The following KLHL3 variants were observed in gnomAD, a reference collection of about 807,000 sequenced individuals.
KLHL3 encodes kelch-like protein 3.
A neutral mutation model predicts 70.5 loss-of-function variants in KLHL3; 19 were observed. The ratio of observed to expected loss-of-function variants is 0.27; its 90% CI spans 0.19 to 0.40. The LOEUF is 0.40. KLHL3 is among the 10% of genes least tolerant of loss of function. The pLI, the probability that KLHL3 is intolerant of heterozygous loss-of-function variation, is 1.00. For synonymous variants in KLHL3, 258 were observed against 290.3 expected, an observed-to-expected ratio of 0.89 and a Z score of 1.13; for missense variants, 512 against 771.1, an observed-to-expected ratio of 0.66 and a Z score of 3.98.
chr5:137,693,893 G>A (rs1208783295), intron 4 of KLHL3, among the ~76,000 whole-genome samples: 2 of 150,910 alleles, frequency 1.3e-5, no homozygotes, highest in Non-Finnish European at 2.9e-5. Context: ...TTAAATTCTG[G>A]ACTCTTTCTC....
intron 13 of KLHL3, among the ~76,000 whole-genome samples, chr5:137,627,538 T>C (rs1257285366): frequency 7.6e-6 from 1 of 131,366 alleles, no homozygotes; most frequent in African/African-American, 2.8e-5. Context: ...ACAGGTAATA[T>C]GAGAATAATG....
At position 137,706,232 on chromosome 5, in the gene KLHL3, T is replaced by C. The variant is rs1039409890; in HGVS notation, c.241+3518A>G. On this transcript the variant is annotated intron_variant, in intron 3 of 14. Transcript: ENST00000309755. ...TCAAGTCAGAAGAAAGCCATGTGTA[T>C]TTTACTTTCCTTTTGGCTTTAAACA... The C allele has an allele frequency of 6.1e-6, 6 of 985,290 alleles. No individual in the cohort carries two copies. In the African/African-American group the frequency reaches 1.0e-4, roughly 17 times the overall value. 61.0% of individuals were successfully genotyped at this position (985,290 alleles called of 1,614,324 possible). A position where few individuals can be genotyped will look rare whatever the true frequency, so the allele number is the denominator to read the frequency against.
chr5:137,682,436 G>GAGAGAGAGAGAGAGAGAGAGAGT (rs1752055158), intron 5 of KLHL3, among the ~76,000 whole-genome samples: 2 of 94,438 alleles, frequency 2.1e-5, no homozygotes, highest in South Asian at 3.3e-4. Context: ...AGAGAGAGAG[G>GAGAGAGAGAGAGAGAGAGAGAGT]CATAGACAGA....
intron 8 of KLHL3, among the ~76,000 whole-genome samples, chr5:137,648,335 G>C (rs191184072): frequency 1.3e-5 from 2 of 152,346 alleles, no homozygotes; most frequent in African/African-American, 4.8e-5. Flanking sequence ...CCCAACTCAG[G>C]AGCAAGCCAC....
chr5:137,692,952 T>C (rs890298262), intron 4 of KLHL3, among the ~76,000 whole-genome samples: 1 of 152,176 alleles, frequency 6.6e-6, no homozygotes, highest in Admixed American at 6.5e-5. Flanking sequence ...TCAATAGGTA[T>C]GGAGTGTGGC....
chr5:137,622,491 A>G (rs993570115), intron 14 of KLHL3, among the ~76,000 whole-genome samples: 1 of 152,262 alleles, frequency 6.6e-6, no homozygotes, highest in Non-Finnish European at 1.5e-5. Context: ...CTGTAAGAGA[A>G]GCAATGGGTG....
intron 5 of KLHL3, among the ~76,000 whole-genome samples, chr5:137,685,602 T>C (rs1004567444): frequency 6.6e-6 from 1 of 152,262 alleles, no homozygotes; most frequent in Admixed American, 6.5e-5. Flanking sequence ...TTTTATTGAA[T>C]ATATTACCTA....
At chr5:137,677,926 A>G (rs528908357) in intron 5 of KLHL3, among the ~76,000 whole-genome samples, 14 of 152,282 alleles carry the variant, frequency 9.2e-5, no homozygotes, top group African/African-American at 1.2e-4. Flanking sequence ...TATTTTTTCC[A>G]TGCTCCATGA....
chr5:137,638,557 C>T (rs1051645597), intron 10 of KLHL3, among the ~76,000 whole-genome samples: 1 of 152,164 alleles, frequency 6.6e-6, no homozygotes, highest in South Asian at 2.1e-4. Context: ...CAGCCTGGCC[C>T]ACTGCATGAC....
At chr5:137,692,231 A>C (rs1352895055) in intron 5 of KLHL3, 54 bp downstream of exon 5, 8 of 1,508,564 alleles carry the variant, frequency 5.3e-6, no homozygotes, top group Non-Finnish European at 7.3e-6. Context: ...GCAGAAGACC[A>C]GGTGATTAGA....
chr5:137,735,710 G>T lies in KLHL3; in HGVS notation c.-64C>A. ...GTATGCACTCGGGGATCCTAGTTCT[G>T]TTCTTGATTCTCCCAGCAGACCAGT... On this transcript the variant is annotated 5_prime_UTR_variant, in exon 1 of 15. Coordinates refer to ENST00000309755, the MANE Select transcript of KLHL3 (RefSeq NM_017415.3). The T allele has an allele frequency of 6.2e-7, 1 of 1,613,378 alleles. No homozygotes were observed. Among genetic ancestry groups the T allele is most frequent in the Non-Finnish European group, 8.5e-7 (1 of 1,179,276 alleles).
rs924235163 is a variant in KLHL3, at chr5:137,733,777, A to G, written c.14+1856T>C. 5.3e-5 allele frequency among the ~76,000 whole-genome samples: 8 copies of G among 152,340 alleles called. No homozygotes were observed. In the East Asian group the frequency reaches 1.5e-3, roughly 29 times the overall value. On this transcript the variant is annotated intron_variant, in intron 1 of 14. Transcript: ENST00000309755. ...GTAATGTATAGGATGGGTGATCATGAAAGAGATCAACAGAATTCTCAGTAG... is the reference window on the plus strand; with the variant it reads ...GTAATGTATAGGATGGGTGATCATGGAAGAGATCAACAGAATTCTCAGTAG...
At chr5:137,726,018 T>C (rs1753080026) in intron 1 of KLHL3, among the ~76,000 whole-genome samples, 2 of 152,178 alleles carry the variant, frequency 1.3e-5, no homozygotes, top group Admixed American at 1.3e-4. Context: ...ACTATTACAG[T>C]GGCCTCCCAC....
At chr5:137,727,671 C>T (rs1429113273) in intron 1 of KLHL3, among the ~76,000 whole-genome samples, 1 of 152,152 alleles carries the variant, frequency 6.6e-6, no homozygotes, top group Non-Finnish European at 1.5e-5. Context: ...GCCTTCAAGC[C>T]TCTTCCCTGA....
Position 137,638,440 on chromosome 5 carries a change from T to G in KLHL3, c.1219+513A>C, listed in dbSNP as rs1483736449. Among the ~76,000 whole-genome samples, 4 of 152,178 alleles carry G rather than the reference T, an allele frequency of 2.6e-5. No individual in the cohort carries two copies. In the East Asian group the frequency reaches 7.7e-4, roughly 29 times the overall value. On this transcript the variant is annotated intron_variant, in intron 10 of 14. Coordinates refer to ENST00000309755, the MANE Select transcript of KLHL3 (RefSeq NM_017415.3). ...TTTATGTCAACTAACAGTTTTGGGT[T>G]GAAATTTTGAAGCTAGATAGAGTCC... is the stretch of plus-strand genomic sequence containing the variant.
intron 8 of KLHL3, among the ~76,000 whole-genome samples, chr5:137,646,961 C>T (rs1002317111): frequency 1.3e-5 from 2 of 152,128 alleles, no homozygotes; most frequent in African/African-American, 4.8e-5. Flanking sequence ...GGCAGGGTGC[C>T]TCAAAGTTCT....
chr5:137,704,030 T>C (rs1476939033), intron 3 of KLHL3, among the ~76,000 whole-genome samples: 1 of 152,176 alleles, frequency 6.6e-6, no homozygotes, highest in Non-Finnish European at 1.5e-5. Flanking sequence ...GTTCCCTACT[T>C]ATTGTTATTA....
chr5:137,687,231 C>T (rs1402465014), intron 5 of KLHL3, among the ~76,000 whole-genome samples: 3 of 39,346 alleles, frequency 7.6e-5, no homozygotes, highest in South Asian at 1.1e-3. Context: ...CCAGCCGCCC[C>T]GTCCGGGAGG....
At position 137,662,054 on chromosome 5, in the gene KLHL3, C is replaced by T. The variant is rs144352569; in HGVS notation, c.637-23G>A. On this transcript the variant is annotated intron_variant, in intron 6 of 14. Transcript: ENST00000309755. The stretch of plus-strand genomic sequence containing the variant: ...CACCTATAAAGAAAAGCAACATGGG[C>T]AACTTCAGTAAAGAGACAAAAGCTT... 9.2e-3 allele frequency: 10,761 copies of T among 1,165,770 alleles called. 87 individuals are homozygous for T. Among genetic ancestry groups the T allele is most frequent in the Middle Eastern group, 0.024 (119 of 4,950 alleles). The allele number at this position is 1,165,770 out of a possible 1,614,324, so 72.2% of individuals were successfully genotyped here.
Sources: gnomAD v4.1 joint callset for allele counts (sites outside exome capture counted in the v4.1 genomes callset) on GRCh38, gnomAD v4.1.1 for gene constraint, MANE v1.5 for transcripts, NCBI Gene and HGNC (gene_info 2026-07-23, HGNC 2026-07-21) for gene names.